INPP4B: variants seen among roughly 807,000 people sequenced by gnomAD.
INPP4B encodes the protein inositol polyphosphate-4-phosphatase type II B.
A neutral mutation model predicts 122.5 loss-of-function variants in INPP4B; 55 were observed. That is an observed-to-expected ratio of 0.45 (90% CI 0.36 to 0.56). The LOEUF (loss-of-function observed/expected upper bound fraction) is 0.56. Among genes scored for constraint, INPP4B ranks in the 20% least tolerant of loss-of-function variants. The pLI is 0.00. For missense variants in INPP4B, 1,000 were observed against 1,097.7 expected (o/e 0.91, Z 1.26); for synonymous variants, 403 against 388.7 (o/e 1.04, Z -0.43).
At chr4:142,416,147 G>T (rs558517231) in intron 5 of INPP4B, among the ~76,000 whole-genome samples, 95 of 152,188 alleles carry the variant, frequency 6.2e-4, no homozygotes, top group Non-Finnish European at 2.9e-4. Flanking sequence ...AAAACTTAAA[G>T]TATAATAAAA....
chr4:142,166,152 A>G lies in INPP4B; in HGVS notation c.1360-5591T>C, dbSNP rs142678786. On this transcript the variant is annotated intron_variant, in intron 16 of 25. Coordinates refer to ENST00000262992, the MANE Select transcript of INPP4B (RefSeq NM_001101669.3). ...CATATTTTATAAATATTTTCTCCCA[A>G]TTCATGACTTCTTATAGAAGTTTGC... Among the ~76,000 whole-genome samples the G allele has an allele frequency of 2.0e-5, 3 of 151,788 alleles. No homozygotes were observed. The East Asian group carries it at 5.8e-4, about 29-fold the overall frequency.
Position 142,160,420 on chromosome 4 carries a change from G to T in INPP4B, c.1501C>A (p.Pro501Thr), listed in dbSNP as rs1425326316. 1 of 1,606,694 alleles carries T rather than the reference G, an allele frequency of 6.2e-7. No homozygotes were observed. Among genetic ancestry groups the T allele is most frequent in the Non-Finnish European group, 8.5e-7 (1 of 1,174,776 alleles). The change falls in exon 17 of 26, where the codon CCC becomes ACC. Residue 501 changes from proline (P) to threonine (T), a missense_variant. Coordinates refer to ENST00000262992, the MANE Select transcript of INPP4B (RefSeq NM_001101669.3). ...GAGTCCTGCCCTCTCATCACTGGGG[G>T]TTGGTCTTGGGGACTGCTCTCCTCT... ...STEESSPQDQ[P>T]PVMRGQDSIP...
chr4:142,470,743 T>C (rs1466432465), intron 2 of INPP4B, among the ~76,000 whole-genome samples: 1 of 152,216 alleles, frequency 6.6e-6, no homozygotes. Context: ...AAGTGTGACA[T>C]TGGCTTCTCA....
intron 1 of INPP4B, among the ~76,000 whole-genome samples, chr4:142,802,365 C>T (rs1051958168): frequency 4.6e-5 from 7 of 152,054 alleles, no homozygotes; most frequent in African/African-American, 1.7e-4. Flanking sequence ...AACAATTTAC[C>T]TTTTTTTCCT....
At chr4:142,498,011 A>G (rs1382443812) in intron 2 of INPP4B, among the ~76,000 whole-genome samples, 1 of 152,052 alleles carries the variant, frequency 6.6e-6, no homozygotes. Flanking sequence ...AGCATATGTT[A>G]TGCATATATA....
chr4:142,169,903 T>C (rs1824731890), intron 16 of INPP4B, among the ~76,000 whole-genome samples: 1 of 151,698 alleles, frequency 6.6e-6, no homozygotes, highest in Non-Finnish European at 1.5e-5. Flanking sequence ...AAACAAGGTC[T>C]ATCAATCTCA....
At chr4:142,123,517 G>A (rs879127934) in intron 19 of INPP4B, 102 bp from the exon 20 acceptor site, 3 of 1,082,316 alleles carry the variant, frequency 2.8e-6, no homozygotes, top group South Asian at 3.3e-5. Flanking sequence ...TCGATTATCA[G>A]GTATGTATAA....
At chr4:142,041,826 T>C (rs1747760795) in intron 25 of INPP4B, among the ~76,000 whole-genome samples, 1 of 152,184 alleles carries the variant, frequency 6.6e-6, no homozygotes, top group Non-Finnish European at 1.5e-5. Flanking sequence ...GACTTTAATG[T>C]CATTTGATGC....
At chr4:142,241,230 A>AT (rs33987551) in intron 11 of INPP4B, among the ~76,000 whole-genome samples, 1,589 of 149,420 alleles carry the variant, frequency 0.011, 18 homozygotes, top group African/African-American at 0.017. Context: ...TCTCATCTTC[A>AT]TTTTTTTTTT....
intron 7 of INPP4B, among the ~76,000 whole-genome samples, chr4:142,384,280 T>A (rs1416687271): frequency 6.6e-6 from 1 of 152,208 alleles, no homozygotes; most frequent in African/African-American, 2.4e-5. Context: ...TTCCAATGAA[T>A]TACAGTCATG....
chr4:142,786,575 T>G (rs1321673774), intron 1 of INPP4B, among the ~76,000 whole-genome samples: 1 of 151,924 alleles, frequency 6.6e-6, no homozygotes, highest in Admixed American at 6.6e-5. Context: ...AGGACTGATA[T>G]GAAAATGAAG....
chr4:142,362,423 G>A (rs1040775043), intron 7 of INPP4B, among the ~76,000 whole-genome samples: 61 of 151,896 alleles, frequency 4.0e-4, no homozygotes, highest in African/African-American at 1.4e-3. Context: ...AAAAGGATAT[G>A]GTATCTTACA....
At chr4:142,140,488 A>G (rs1807210687) in intron 18 of INPP4B, among the ~76,000 whole-genome samples, 1 of 152,200 alleles carries the variant, frequency 6.6e-6, no homozygotes, top group Non-Finnish European at 1.5e-5. Flanking sequence ...ATGTGCCTTA[A>G]GAATCTCTAT....
intron 9 of INPP4B, among the ~76,000 whole-genome samples, chr4:142,296,058 T>C (rs1469509777): frequency 7.0e-6 from 1 of 142,736 alleles, no homozygotes; most frequent in East Asian, 2.1e-4. Context: ...TGTACAGATA[T>C]TAACTTTACG....
At chr4:142,029,135 C>CTCT (rs1161075697) in intron 25 of INPP4B, 15 of 1,236,850 alleles carry the variant, frequency 1.2e-5, no homozygotes, top group Non-Finnish European at 1.5e-5. Flanking sequence ...AGTCTCTTTA[C>CTCT]TCTTAACATT....
At chr4:142,245,640 G>A (rs1428665800) in intron 11 of INPP4B, among the ~76,000 whole-genome samples, 3 of 151,818 alleles carry the variant, frequency 2.0e-5, no homozygotes, top group South Asian at 4.1e-4. Flanking sequence ...TCTGTTGTTT[G>A]CAATAGTTCC....
intron 25 of INPP4B, among the ~76,000 whole-genome samples, chr4:142,031,015 A>G (rs1739619764): frequency 6.6e-6 from 1 of 152,188 alleles, no homozygotes. Flanking sequence ...ACAGAGTGAT[A>G]CCACAGAAAA....
At chr4:142,275,268 A>G (rs1400444468) in intron 9 of INPP4B, among the ~76,000 whole-genome samples, 1 of 151,936 alleles carries the variant, frequency 6.6e-6, no homozygotes, top group African/African-American at 2.4e-5. Flanking sequence ...AAAGAAAAAC[A>G]TCTCCAGAAG....
intron 10 of INPP4B, among the ~76,000 whole-genome samples, chr4:142,267,058 A>G (rs1743170683): frequency 6.6e-6 from 1 of 152,226 alleles, no homozygotes; most frequent in Admixed American, 6.5e-5. Context: ...AAAGTTGTAG[A>G]TAACACAGAT....
Sources: gnomAD v4.1 joint callset for allele counts (sites outside exome capture counted in the v4.1 genomes callset) on GRCh38, gnomAD v4.1.1 for gene constraint, MANE v1.5 for transcripts, NCBI Gene and HGNC (gene_info 2026-07-23, HGNC 2026-07-21) for gene names.